The following VWF variants were observed in gnomAD, a reference collection of about 807,000 sequenced individuals.
The protein encoded by VWF is von Willebrand factor, also known as Factor VIII related antigen.
Under a neutral mutation model 308.6 loss-of-function variants are expected in VWF, and 176 were observed. The observed-to-expected ratio is 0.57, with a 90% CI of 0.50 to 0.65. The LOEUF (loss-of-function observed/expected upper bound fraction) is 0.65, where lower values mean the gene tolerates loss of function less well. Among genes scored for constraint, VWF ranks in the 30% least tolerant of loss-of-function variants. The pLI is 0.00. For synonymous variants in VWF, 1,385 were observed against 1,443.4 expected (o/e 0.96, Z 0.92); for missense variants, 3,146 against 3,648.2 (o/e 0.86, Z 3.55).
At chr12:5,968,337 C>T in intron 45 of VWF, 170 bp from the exon 46 acceptor site, 1 of 689,382 alleles carries the variant, frequency 1.5e-6, no homozygotes. Flanking sequence ...ACTGCTGGAG[C>T]CCACAGCGGC....
chr12:6,089,459 A>G (rs1012332984), intron 6 of VWF, among the ~76,000 whole-genome samples: 4 of 152,162 alleles, frequency 2.6e-5, no homozygotes, highest in African/African-American at 9.7e-5. Context: ...TAAGGACTTT[A>G]ATGCACCCAG....
chr12:6,001,581 C>T (rs556821831), intron 34 of VWF, among the ~76,000 whole-genome samples: 1 of 152,264 alleles, frequency 6.6e-6, no homozygotes, highest in Admixed American at 6.5e-5. Context: ...ATGCACCAGA[C>T]AACATCTTCA....
In VWF at chr12:6,110,548, G is replaced by C. The variant is rs777585191; in HGVS notation, c.358C>G (p.Leu120Val). 7.4e-6 allele frequency: 12 copies of C among 1,614,200 alleles called. No individual in the cohort carries two copies. The East Asian group carries it at 2.2e-4, about 30-fold the overall frequency. Reference sequence around the variant, plus strand: ...TTGTAGTACCCAGCCTCAGTTTCTAGATACAGCCCTTTGGAGGCATAGGGC... The same window carrying C: ...TTGTAGTACCCAGCCTCAGTTTCTACATACAGCCCTTTGGAGGCATAGGGC... The part of the protein sequence containing the change: ...SMPYASKGLY[L>V]ETEAGYYKLS... Residue 120 changes from leucine to valine, a missense_variant, in exon 5 of 52, where the codon CTA (leucine) becomes GTA (valine). Physicochemically the swap from Leu to Val is conservative, Grantham distance 32. Coordinates refer to ENST00000261405, the MANE Select transcript of VWF (RefSeq NM_000552.5).
At chr12:6,067,965 C>A (rs946649271) in intron 10 of VWF, among the ~76,000 whole-genome samples, 1 of 151,916 alleles carries the variant, frequency 6.6e-6, no homozygotes, top group African/African-American at 2.4e-5. Flanking sequence ...GAAACCCCGT[C>A]TCTACTAAAA....
intron 40 of VWF, among the ~76,000 whole-genome samples, chr12:5,983,993 T>C (rs558507763): frequency 3.5e-5 from 4 of 113,214 alleles, no homozygotes; most frequent in Non-Finnish European, 7.5e-5. Context: ...GATAGATAGA[T>C]AGATAGATAG....
At chr12:6,114,565 T>G (rs1435680683) in intron 3 of VWF, among the ~76,000 whole-genome samples, 1 of 152,176 alleles carries the variant, frequency 6.6e-6, no homozygotes, top group Non-Finnish European at 1.5e-5. Flanking sequence ...CCACACAGGC[T>G]GCGGGGCTCG....
chr12:6,039,709 T>C (rs908092643), intron 18 of VWF, among the ~76,000 whole-genome samples: 1 of 152,230 alleles, frequency 6.6e-6, no homozygotes, highest in African/African-American at 2.4e-5. Flanking sequence ...TCTTTGGATC[T>C]TTTAAAATGT....
At chr12:6,022,179 T>A (rs2136416893) in intron 26 of VWF, 144 bp from the exon 27 acceptor site, 1 of 1,169,194 alleles carries the variant, frequency 8.6e-7, no homozygotes, top group South Asian at 1.2e-5. Flanking sequence ...GGTCACCCCA[T>A]CACTCAAGGA....
At chr12:5,981,760 A>G (rs766005773) in intron 42 of VWF, 26 bp downstream of exon 42, 4 of 1,596,444 alleles carry the variant, frequency 2.5e-6, no homozygotes, top group South Asian at 2.2e-5. Flanking sequence ...CTATTAACTG[A>G]TAGTTAATAG....
At position 5,994,157 on chromosome 12, in the gene VWF, G is replaced by A. The variant is rs115914543; in HGVS notation, c.6303C>T (p.Gly2101=). 3 of 1,614,158 alleles carry A rather than the reference G, an allele frequency of 1.9e-6. No individual in the cohort carries two copies. In the South Asian group the frequency reaches 3.3e-5, roughly 18 times the overall value. ...GTGTTTTCCAGTCTGTGGTGACTGT[G>A]CCATCCCTCAGCATGAAGTCATTGG... The part of the protein sequence containing the change: ...NGANDFMLRD[G]TVTTDWKTLV... The change falls in exon 37 of 52, where the codon GGC becomes GGT. Residue 2101 remains glycine (G), a synonymous_variant. Transcript: ENST00000261405.
At chr12:6,027,131 G>C (rs142008474) in intron 22 of VWF, among the ~76,000 whole-genome samples, 200 of 152,264 alleles carry the variant, frequency 1.3e-3, no homozygotes, top group African/African-American at 4.7e-3. Context: ...AAAGGCCAAC[G>C]ATCTTCCCAT....
At chr12:6,083,469 G>A (rs143860788) in intron 6 of VWF, among the ~76,000 whole-genome samples, 15,535 of 152,268 alleles carry the variant, frequency 0.1, 966 homozygotes, top group African/African-American at 0.18. Context: ...AGAGGCTGAG[G>A]TGGGAGGATC....
intron 14 of VWF, among the ~76,000 whole-genome samples, chr12:6,057,624 C>A (rs866404654): frequency 1.6e-5 from 2 of 123,734 alleles, no homozygotes; most frequent in Non-Finnish European, 3.5e-5. Context: ...TTTTTTTTTT[C>A]TTTCCCGGGG....
intron 6 of VWF, among the ~76,000 whole-genome samples, chr12:6,086,794 AATGAGAAC>A (rs1944977620): frequency 6.6e-6 from 1 of 152,208 alleles, no homozygotes; most frequent in Non-Finnish European, 1.5e-5. Flanking sequence ...AGCAATATTT[AATGAGAAC>A]ATGAAGAGTG....
At chr12:6,015,046 G>T (rs893021224) in intron 31 of VWF, among the ~76,000 whole-genome samples, 1 of 152,184 alleles carries the variant, frequency 6.6e-6, no homozygotes, top group South Asian at 2.1e-4. Flanking sequence ...AGGTTGGAAC[G>T]GATTTTCTAT....
At chr12:6,033,049 T>C (rs116069365) in intron 20 of VWF, among the ~76,000 whole-genome samples, 1,594 of 152,236 alleles carry the variant, frequency 0.01, 18 homozygotes, top group African/African-American at 0.027. Context: ...CATACACACA[T>C]GCACACATAC....
intron 31 of VWF, 52 bp downstream of exon 31, chr12:6,016,037 C>T (rs1487853174): frequency 6.2e-6 from 10 of 1,612,294 alleles, no homozygotes; most frequent in East Asian, 2.2e-5. Context: ...AATCCTCTAT[C>T]ATTTCTGAAG....
In VWF at chr12:5,976,082, C is replaced by A. The variant is rs778680893; in HGVS notation, c.7437+29G>T. On this transcript the variant is annotated intron_variant, in intron 43 of 51. Transcript: ENST00000261405. ...CTCTACTTTCCCGCTCTGATAGCTG[C>A]AGGCATGCCCAGCCCCTGCCCCACT... 5.6e-6 allele frequency: 9 copies of A among 1,613,014 alleles called. No individual in the cohort carries two copies. The South Asian group carries it at 9.9e-5, about 18-fold the overall frequency.
chr12:5,988,351 T>G lies in VWF; in HGVS notation c.6799-2686A>C, dbSNP rs1050432618. On this transcript the variant is annotated intron_variant, in intron 38 of 51. Transcript: ENST00000261405. ...AAGACACAGCGGCTGCCACTCCAGC[T>G]GGGAAGGTGGAGGGAGGGGCCCAGG... is the stretch of plus-strand genomic sequence containing the variant. Among the ~76,000 whole-genome samples, 3 of 151,900 alleles carry G rather than the reference T, an allele frequency of 2.0e-5. No homozygotes were observed. The East Asian group carries it at 5.8e-4, about 29-fold the overall frequency.
Sources: allele counts gnomAD v4.1 joint callset (sites outside exome capture counted in the v4.1 genomes callset), GRCh38; gene constraint gnomAD v4.1.1; transcripts MANE v1.5; gene names NCBI Gene and HGNC (gene_info 2026-07-23, HGNC 2026-07-21).